Variants in DMC1 observed in about 807,000 individuals in gnomAD.
DMC1 encodes the protein meiotic recombination protein DMC1 homolog.
Under a neutral mutation model 50.1 loss-of-function variants are expected in DMC1, and 27 were observed. The ratio of observed to expected loss-of-function variants is 0.54; its 90% CI spans 0.40 to 0.74. The LOEUF (loss-of-function observed/expected upper bound fraction) is 0.74, where lower values mean the gene tolerates loss of function less well. Among genes scored for constraint, DMC1 ranks in the 30% least tolerant of loss-of-function variants. The pLI is 0.00. For synonymous variants in DMC1, 148 were observed against 136.1 expected, an observed-to-expected ratio of 1.09 and a Z score of -0.61; for missense variants, 295 against 420.2, an observed-to-expected ratio of 0.70 and a Z score of 2.60.
chr22:38,520,125 GCTCTA>G, intron 13 of DMC1, 36 bp from the exon 14 acceptor site: 1 of 1,530,784 alleles, frequency 6.5e-7, no homozygotes, highest in Non-Finnish European at 9.0e-7. Context: ...TTTATAAAAA[GCTCTA>G]TTTCTATAAA....
chr22:38,533,043 T>C (rs907189781), intron 12 of DMC1, among the ~76,000 whole-genome samples: 16 of 152,208 alleles, frequency 1.1e-4, no homozygotes, highest in African/African-American at 3.9e-4. Flanking sequence ...TAATAACATT[T>C]GAGTAGTTAA....
At chr22:38,514,608 A>C (rs1469360911), downstream of DMC1, among the ~76,000 whole-genome samples, 1 of 152,266 alleles carries the variant, frequency 6.6e-6, no homozygotes, top group African/African-American at 2.4e-5. Context: ...AAAACAGGAT[A>C]GGTAAATAAG....
At chr22:38,537,220 TTTTTTC>T (rs2090223657) in intron 12 of DMC1, among the ~76,000 whole-genome samples, 1 of 152,080 alleles carries the variant, frequency 6.6e-6, no homozygotes, top group Admixed American at 6.6e-5. Flanking sequence ...TTCTTTTTTC[TTTTTTC>T]TTTTTGAGAT....
At chr22:38,569,106 C>T (rs1029238277) in intron 1 of DMC1, among the ~76,000 whole-genome samples, 1 of 151,406 alleles carries the variant, frequency 6.6e-6, no homozygotes, top group African/African-American at 2.4e-5. Context: ...ATCGCTTGAA[C>T]CTGGGAGGCG....
intron 12 of DMC1, among the ~76,000 whole-genome samples, chr22:38,526,250 G>T (rs576930805): frequency 6.6e-6 from 1 of 152,024 alleles, no homozygotes; most frequent in Non-Finnish European, 1.5e-5. Flanking sequence ...TGTTGCCCAG[G>T]CTGGAGTGCA....
intron 1 of DMC1, among the ~76,000 whole-genome samples, chr22:38,569,759 A>G (rs2146054086): frequency 6.6e-6 from 1 of 152,302 alleles, no homozygotes; most frequent in South Asian, 2.1e-4. Context: ...CGCCTCCCTC[A>G]GCAGGAGGCC....
At chr22:38,540,344 C>A (rs1427942197) in intron 8 of DMC1, among the ~76,000 whole-genome samples, 1 of 152,106 alleles carries the variant, frequency 6.6e-6, no homozygotes, top group Non-Finnish European at 1.5e-5. Context: ...CCATGCCTAG[C>A]CAGGAGTTGT....
In DMC1 at chr22:38,568,211, C is replaced by T. The variant is rs754637470; in HGVS notation, c.46G>A (p.Glu16Lys). 3 of 1,614,068 alleles carry T rather than the reference C, an allele frequency of 1.9e-6. No homozygotes were observed. Among genetic ancestry groups the T allele is most frequent in the Admixed American group, 3.3e-5 (2 of 60,024 alleles). Reference sequence around the variant, plus strand: ...TTTCAACATTTTAGTCATACCTCTTCATCTTGGAATCCTGGTTCTTCCGCC... The same window carrying T: ...TTTCAACATTTTAGTCATACCTCTTTATCTTGGAATCCTGGTTCTTCCGCC... ...VVAEEPGFQDEEESLFQDIDL... is the reference protein window; with the variant it reads ...VVAEEPGFQDKEESLFQDIDL... Residue 16 changes from glutamate to lysine, a missense_variant, in exon 2 of 14, where the codon GAA (glutamate) becomes AAA (lysine). Glu to Lys is a moderately conservative substitution (Grantham distance 56). Transcript: ENST00000216024.
intron 13 of DMC1, 35 bp downstream of exon 13, chr22:38,521,573 A>ACACACACAC (rs1240677827): frequency 6.3e-6 from 8 of 1,269,160 alleles, no homozygotes; most frequent in Non-Finnish European, 9.1e-6. Context: ...ACACACACAC[A>ACACACACAC]CACACACACA....
the DMC1 span, among the ~76,000 whole-genome samples, chr22:38,510,361 AGGAGAATGGCTTGAACCCAGGAGGC>A: frequency 6.6e-6 from 1 of 152,214 alleles, no homozygotes; most frequent in Non-Finnish European, 1.5e-5. Context: ...AGCCTGAGGC[AGGAGAATGGCTTGAACCCAGGAGGC>A]GGAGGTTGCA....
At chr22:38,522,651 T>C (rs1242354846) in intron 12 of DMC1, among the ~76,000 whole-genome samples, 1 of 152,194 alleles carries the variant, frequency 6.6e-6, no homozygotes, top group Non-Finnish European at 1.5e-5. Flanking sequence ...AAGGTTATAC[T>C]TGATCAAAAT....
intron 8 of DMC1, chr22:38,545,691 G>A (rs2090336244): frequency 6.6e-6 from 1 of 152,156 alleles, no homozygotes; most frequent in African/African-American, 2.4e-5. Flanking sequence ...AAAGTGCTAG[G>A]ATTACAGGTG....
In DMC1 at chr22:38,537,648, A is replaced by G. The variant is rs781716755; in HGVS notation, c.780T>C (p.Tyr260=). ...LSRLQKISEE[Y]NVAVFVTNQM... is the part of the protein sequence containing the mutation. ...GATTGGTCACAAAAACAGCCACGTT[A>G]TATTCTGCATCAAGAGATAAAATTT... is the stretch of plus-strand genomic sequence containing the variant. The change falls in exon 12 of 14, where the codon TAT becomes TAC. Residue 260 remains tyrosine (Y), a synonymous_variant. Coordinates refer to ENST00000216024, the MANE Select transcript of DMC1 (RefSeq NM_007068.4). The G allele has an allele frequency of 6.2e-7, 1 of 1,613,588 alleles. No individual in the cohort carries two copies. The highest frequency in any genetic ancestry group is 1.1e-5 in the South Asian group (1 of 91,068).
chr22:38,565,641 T>C (rs2090573599), intron 4 of DMC1, among the ~76,000 whole-genome samples: 1 of 152,216 alleles, frequency 6.6e-6, no homozygotes, highest in South Asian at 2.1e-4. Context: ...CAAAAGTTGC[T>C]GTCCAACACC....
chr22:38,567,752 G>A (rs753497839), intron 2 of DMC1, 125 bp from the exon 3 acceptor site: 13 of 725,658 alleles, frequency 1.8e-5, no homozygotes, highest in Non-Finnish European at 2.7e-5. Context: ...CTTCTCTAGA[G>A]ATTGAGGAAG....
chr22:38,533,263 C>T (rs913707746), intron 12 of DMC1, among the ~76,000 whole-genome samples: 1 of 151,532 alleles, frequency 6.6e-6, no homozygotes, highest in Admixed American at 6.6e-5. Flanking sequence ...GGTGTGGTGG[C>T]GGGCGCCTAT....
intron 12 of DMC1, among the ~76,000 whole-genome samples, chr22:38,535,795 A>G (rs1475394175): frequency 6.6e-6 from 1 of 151,550 alleles, no homozygotes; most frequent in Admixed American, 6.6e-5. Context: ...TTTAGTAAAG[A>G]CAGGGTTTTG....
chr22:38,565,235 G>A (rs2146023616), intron 4 of DMC1, among the ~76,000 whole-genome samples: 1 of 151,486 alleles, frequency 6.6e-6, no homozygotes, highest in South Asian at 2.1e-4. Flanking sequence ...CAGTCAGTGG[G>A]CCCTGCTAGA....
chr22:38,546,304 G>A (rs1278449889), intron 8 of DMC1, among the ~76,000 whole-genome samples: 2 of 151,794 alleles, frequency 1.3e-5, no homozygotes, highest in Non-Finnish European at 2.9e-5. Context: ...GAGGAGAATC[G>A]CTTGAACCTG....
Sources: gnomAD v4.1 joint callset for allele counts (sites outside exome capture counted in the v4.1 genomes callset) on GRCh38, gnomAD v4.1.1 for gene constraint, MANE v1.5 for transcripts, NCBI Gene and HGNC (gene_info 2026-07-23, HGNC 2026-07-21) for gene names.